Variants in C8orf34 observed in about 807,000 individuals in gnomAD.
C8orf34 encodes the protein chromosome 8 open reading frame 34.
A neutral mutation model predicts 68.3 loss-of-function variants in C8orf34; 65 were observed. The observed-to-expected ratio is 0.95, with a 90% confidence interval of 0.78 to 1.17. C8orf34 has a LOEUF of 1.17. Among genes scored for constraint, C8orf34 ranks in the 50% most tolerant of loss-of-function variants. The pLI, the probability that C8orf34 is intolerant of heterozygous loss-of-function variation, is 0.00. For missense variants in C8orf34, 664 were observed against 655.4 expected, an observed-to-expected ratio of 1.01 and a Z score of -0.14; for synonymous variants, 244 against 241.2, an observed-to-expected ratio of 1.01 and a Z score of -0.11.
At chr8:68,780,164 T>C (rs375006113) in intron 11 of C8orf34, among the ~76,000 whole-genome samples, 9 of 152,196 alleles carry the variant, frequency 5.9e-5, no homozygotes, top group Non-Finnish European at 8.8e-5. Context: ...TTTACACTTA[T>C]ATGGACAAGA....
chr8:68,484,877 G>A (rs1813009094), intron 4 of C8orf34, among the ~76,000 whole-genome samples: 1 of 152,194 alleles, frequency 6.6e-6, no homozygotes, highest in African/African-American at 2.4e-5. Flanking sequence ...ATAGAGTGGA[G>A]ATTTATTTGG....
chr8:68,468,514 T>G (rs147981955), intron 3 of C8orf34, among the ~76,000 whole-genome samples, 178 bp from the exon 4 acceptor site: 1 of 152,174 alleles, frequency 6.6e-6, no homozygotes, highest in African/African-American at 2.4e-5. Flanking sequence ...AGTTAAAATA[T>G]TTTCTTTAAG....
intron 1 of C8orf34, among the ~76,000 whole-genome samples, chr8:68,390,823 T>G (rs1808451175): frequency 6.6e-6 from 1 of 152,164 alleles, no homozygotes; most frequent in Non-Finnish European, 1.5e-5. Flanking sequence ...CATGTGATTT[T>G]GGAGGCTGGC....
intron 7 of C8orf34, among the ~76,000 whole-genome samples, chr8:68,550,568 T>G (rs2017291871): frequency 6.6e-6 from 1 of 151,854 alleles, no homozygotes; most frequent in Admixed American, 6.6e-5. Flanking sequence ...TAATGCTCAT[T>G]TTTTCTTTAT....
chr8:68,726,403 T>C (rs897208918), intron 10 of C8orf34, among the ~76,000 whole-genome samples: 1 of 152,092 alleles, frequency 6.6e-6, no homozygotes, highest in African/African-American at 2.4e-5. Flanking sequence ...AAAGAGGTCC[T>C]GGGATGGGGA....
At chr8:68,810,442 G>A (rs1465564529) in intron 12 of C8orf34, among the ~76,000 whole-genome samples, 1 of 152,182 alleles carries the variant, frequency 6.6e-6, no homozygotes, top group African/African-American at 2.4e-5. Flanking sequence ...GGGTGTCAAA[G>A]CTCTGGCTCA....
At chr8:68,640,627 C>A in intron 8 of C8orf34, 116 bp downstream of exon 8, 1 of 1,070,412 alleles carries the variant, frequency 9.3e-7, no homozygotes. Flanking sequence ...TTCCAGCGAT[C>A]TTTTGTGCTA....
chr8:68,338,753 A>G (rs1278728324), intron 1 of C8orf34, among the ~76,000 whole-genome samples: 1 of 152,144 alleles, frequency 6.6e-6, no homozygotes, highest in Non-Finnish European at 1.5e-5. Context: ...ACTGAACCAT[A>G]TGGTAGGTAT....
At chr8:68,571,139 G>A (rs941415000) in intron 7 of C8orf34, among the ~76,000 whole-genome samples, 1 of 152,026 alleles carries the variant, frequency 6.6e-6, no homozygotes, top group African/African-American at 2.4e-5. Context: ...TCTAGAACAC[G>A]CATACAGCCA....
At chr8:68,615,771 C>T (rs1362411195) in intron 7 of C8orf34, among the ~76,000 whole-genome samples, 1 of 152,114 alleles carries the variant, frequency 6.6e-6, no homozygotes, top group African/African-American at 2.4e-5. Flanking sequence ...TTTGTCTCTG[C>T]CCAGCTTTGG....
intron 10 of C8orf34, among the ~76,000 whole-genome samples, chr8:68,773,154 TAG>T (rs1823402673): frequency 6.6e-6 from 1 of 152,112 alleles, no homozygotes; most frequent in African/African-American, 2.4e-5. Flanking sequence ...TTTATTTCAT[TAG>T]CGATCCCAGT....
At chr8:68,757,513 C>G (rs1822899120) in intron 10 of C8orf34, among the ~76,000 whole-genome samples, 1 of 151,954 alleles carries the variant, frequency 6.6e-6, no homozygotes, top group Non-Finnish European at 1.5e-5. Flanking sequence ...GCCTGTAGTC[C>G]CAGCTTCTGA....
chr8:68,751,109 G>T (rs1207576834), intron 10 of C8orf34, among the ~76,000 whole-genome samples: 1 of 152,140 alleles, frequency 6.6e-6, no homozygotes, highest in Non-Finnish European at 1.5e-5. Flanking sequence ...GAAGGACCTG[G>T]AGAGGGACTC....
chr8:68,757,406 G>A (rs1009942822), intron 10 of C8orf34, among the ~76,000 whole-genome samples: 11 of 152,122 alleles, frequency 7.2e-5, no homozygotes, highest in Non-Finnish European at 1.5e-4. Context: ...GAGGCGGGCG[G>A]ATCACCTGAG....
At chr8:68,538,789 G>T (rs576945695) in intron 7 of C8orf34, among the ~76,000 whole-genome samples, 38 of 152,242 alleles carry the variant, frequency 2.5e-4, no homozygotes, top group African/African-American at 8.7e-4. Flanking sequence ...ATTAAAGCAA[G>T]GATAGATGAT....
chr8:68,613,659 T>C (rs1818098017), intron 7 of C8orf34, among the ~76,000 whole-genome samples: 1 of 151,704 alleles, frequency 6.6e-6, no homozygotes, highest in Non-Finnish European at 1.5e-5. Flanking sequence ...ATGGTGTATA[T>C]GTGCCACATT....
At chr8:68,497,838 A>G (rs13258287) in intron 5 of C8orf34, among the ~76,000 whole-genome samples, 57,937 of 150,464 alleles carry the variant, frequency 0.39, 11,416 homozygotes, top group African/African-American at 0.43. Flanking sequence ...TTTTGGGGGG[A>G]GATGGGGGGA....
intron 1 of C8orf34, among the ~76,000 whole-genome samples, chr8:68,370,272 T>C (rs149756722): frequency 6.6e-6 from 1 of 152,314 alleles, no homozygotes; most frequent in African/African-American, 2.4e-5. Context: ...CAATATGAAA[T>C]ATTCCTGTTG....
intron 7 of C8orf34, among the ~76,000 whole-genome samples, chr8:68,616,487 G>T (rs1324323177): frequency 6.6e-6 from 1 of 152,130 alleles, no homozygotes; most frequent in African/African-American, 2.4e-5. Flanking sequence ...CTGGCATGTT[G>T]TGTCTTTGTC....
Sources: allele counts gnomAD v4.1 joint callset (sites outside exome capture counted in the v4.1 genomes callset), GRCh38; gene constraint gnomAD v4.1.1; transcripts MANE v1.5; gene names NCBI Gene and HGNC (gene_info 2026-07-23, HGNC 2026-07-21).